MALRD1: variants seen among roughly 807,000 people sequenced by gnomAD.
The protein encoded by MALRD1 is MAM and LDL receptor class A domain containing 1.
A neutral mutation model predicts 242.1 loss-of-function variants in MALRD1; 247 were observed. That is an observed-to-expected ratio of 1.02 (90% CI 0.92 to 1.13). The LOEUF (loss-of-function observed/expected upper bound fraction) is 1.13, where lower values mean the gene tolerates loss of function less well. MALRD1 is among the 50% of genes most tolerant of loss of function. The pLI, the probability that MALRD1 is intolerant of heterozygous loss-of-function variation, is 0.00. For synonymous variants in MALRD1, 995 were observed against 866.6 expected (o/e 1.15, Z -2.60); for missense variants, 2,989 against 2,533.1 (o/e 1.18, Z -3.86).
chr10:19,574,968 G>A (rs1836736141), intron 33 of MALRD1, among the ~76,000 whole-genome samples: 1 of 152,190 alleles, frequency 6.6e-6, no homozygotes, highest in African/African-American at 2.4e-5. Flanking sequence ...GTCAATACTT[G>A]TTGAAAATCT....
intron 26 of MALRD1, among the ~76,000 whole-genome samples, chr10:19,372,648 A>G (rs552310857): frequency 7.9e-5 from 12 of 151,726 alleles, no homozygotes; most frequent in Non-Finnish European, 1.8e-4. Context: ...TTGTATTTTT[A>G]GTAGAGATGG....
chr10:19,097,558 A>C (rs1836087494), intron 4 of MALRD1, among the ~76,000 whole-genome samples: 1 of 152,234 alleles, frequency 6.6e-6, no homozygotes, highest in African/African-American at 2.4e-5. Flanking sequence ...CTAAACATAC[A>C]GTAGAAATGT....
intron 14 of MALRD1, among the ~76,000 whole-genome samples, chr10:19,179,481 C>T (rs1056044185): frequency 6.6e-6 from 1 of 152,014 alleles, no homozygotes; most frequent in African/African-American, 2.4e-5. Context: ...AAAACCCCAT[C>T]TCTACTAAAA....
At chr10:19,726,615 A>C (rs1289875119) in intron 38 of MALRD1, among the ~76,000 whole-genome samples, 2 of 152,176 alleles carry the variant, frequency 1.3e-5, no homozygotes, top group Admixed American at 6.5e-5. Flanking sequence ...TCGAAGAATC[A>C]AAATAGAGAC....
intron 8 of MALRD1, among the ~76,000 whole-genome samples, chr10:19,130,204 A>G (rs1460487963): frequency 6.6e-6 from 1 of 152,088 alleles, no homozygotes; most frequent in Non-Finnish European, 1.5e-5. Flanking sequence ...CTGCAGCATT[A>G]CAAACTGTCC....
intron 38 of MALRD1, chr10:19,710,642 A>G (rs1372995151): frequency 1.3e-5 from 2 of 152,256 alleles, no homozygotes; most frequent in African/African-American, 4.8e-5. Flanking sequence ...CAAACTGTAT[A>G]AAATATATGA....
intron 29 of MALRD1, among the ~76,000 whole-genome samples, chr10:19,473,356 T>A (rs1432833800): frequency 6.6e-6 from 1 of 151,956 alleles, no homozygotes; most frequent in Non-Finnish European, 1.5e-5. Flanking sequence ...TCTTAATCAT[T>A]GTTAGGCCTA....
intron 36 of MALRD1, among the ~76,000 whole-genome samples, chr10:19,680,778 T>C (rs1024165749): frequency 4.6e-5 from 7 of 152,116 alleles, no homozygotes; most frequent in African/African-American, 1.7e-4. Context: ...CTGGTAACAG[T>C]TTTTCCTTTC....
chr10:19,178,659 A>T (rs1835363963), intron 14 of MALRD1, among the ~76,000 whole-genome samples: 2 of 152,186 alleles, frequency 1.3e-5, no homozygotes, highest in African/African-American at 4.8e-5. Context: ...GCTAGTGTTG[A>T]TGAAATAATT....
chr10:19,326,732 T>A (rs1564565226), intron 22 of MALRD1, among the ~76,000 whole-genome samples: 1 of 152,138 alleles, frequency 6.6e-6, no homozygotes, highest in Non-Finnish European at 1.5e-5. Flanking sequence ...AAAAAACAGA[T>A]AATGTAATCA....
intron 5 of MALRD1, among the ~76,000 whole-genome samples, chr10:19,118,500 T>C (rs1401226112): frequency 1.3e-5 from 2 of 152,224 alleles, no homozygotes; most frequent in Non-Finnish European, 2.9e-5. Flanking sequence ...TGAGTTATTA[T>C]CTGAAGACCT....
Position 19,204,889 on chromosome 10 carries a change from CT to C in MALRD1, c.2211-3del. 6.5e-7 allele frequency: 1 copy of C among 1,528,442 alleles called. No homozygotes were observed. Among genetic ancestry groups the C allele is most frequent in the Non-Finnish European group, 8.8e-7 (1 of 1,134,688 alleles). 94.7% of individuals were successfully genotyped at this position (1,528,442 alleles called of 1,614,324 possible). ...ATCACTTCCATTTCTTACGTTTACT[CT>C]TTTTTAGGTTCTATAACTATGGCCT... On this transcript the variant is annotated splice_polypyrimidine_tract_variant and splice_region_variant and intron_variant, in intron 16 of 39. Transcript: ENST00000454679.
At chr10:19,083,778 C>G (rs1350020269) in intron 2 of MALRD1, among the ~76,000 whole-genome samples, 2 of 151,888 alleles carry the variant, frequency 1.3e-5, no homozygotes, top group Admixed American at 1.3e-4. Context: ...GGCAATGAGA[C>G]TAGGGCAAGT....
chr10:19,390,217 A>G (rs1472460770), intron 28 of MALRD1, among the ~76,000 whole-genome samples: 2 of 152,274 alleles, frequency 1.3e-5, no homozygotes, highest in Non-Finnish European at 2.9e-5. Flanking sequence ...TTCCTTTCCA[A>G]TAAAAGAAAA....
At chr10:19,379,254 T>G (rs1186824114) in intron 26 of MALRD1, among the ~76,000 whole-genome samples, 1 of 152,112 alleles carries the variant, frequency 6.6e-6, no homozygotes, top group Non-Finnish European at 1.5e-5. Context: ...CTAAACAGCT[T>G]TTGGTTGAAC....
intron 5 of MALRD1, among the ~76,000 whole-genome samples, chr10:19,107,000 A>G (rs950088245): frequency 1.3e-5 from 2 of 151,988 alleles, no homozygotes; most frequent in African/African-American, 4.8e-5. Context: ...GATAATTACT[A>G]TGATTCTGAC....
intron 23 of MALRD1, among the ~76,000 whole-genome samples, chr10:19,330,096 T>C (rs1843299574): frequency 6.6e-6 from 1 of 152,120 alleles, no homozygotes; most frequent in African/African-American, 2.4e-5. Context: ...ATAGTCCTTA[T>C]TATACTTTCT....
At chr10:19,684,175 G>A (rs1338218421) in intron 36 of MALRD1, among the ~76,000 whole-genome samples, 1 of 152,096 alleles carries the variant, frequency 6.6e-6, no homozygotes, top group African/African-American at 2.4e-5. Context: ...ATGGTCAACA[G>A]AGCCAAAGTT....
At chr10:19,384,246 T>C (rs980103049) in intron 26 of MALRD1, among the ~76,000 whole-genome samples, 2 of 142,608 alleles carry the variant, frequency 1.4e-5, no homozygotes, top group Non-Finnish European at 3.0e-5. Context: ...TAAGAGTTTA[T>C]ATATATATGT....
Sources: allele counts gnomAD v4.1 joint callset (sites outside exome capture counted in the v4.1 genomes callset), GRCh38; gene constraint gnomAD v4.1.1; transcripts MANE v1.5; gene names NCBI Gene and HGNC (gene_info 2026-07-23, HGNC 2026-07-21).